Variants in ADAMTS17 observed in about 807,000 individuals in gnomAD.
The protein encoded by ADAMTS17 is A disintegrin and metalloproteinase with thrombospondin motifs 17.
ADAMTS17 carries 113 observed loss-of-function variants against 141.5 expected under a neutral mutation model. The ratio of observed to expected loss-of-function variants is 0.80; its 90% CI spans 0.69 to 0.93. ADAMTS17 has a LOEUF of 0.93. Among genes scored for constraint, ADAMTS17 ranks in the 40% least tolerant of loss-of-function variants. ADAMTS17 has a pLI of 0.00. For synonymous variants in ADAMTS17, 768 were observed against 630.6 expected (o/e 1.22, Z -3.27); for missense variants, 1,659 against 1,517.9 (o/e 1.09, Z -1.54).
intron 18 of ADAMTS17, among the ~76,000 whole-genome samples, chr15:100,016,665 C>G (rs536547599): frequency 2.0e-5 from 3 of 152,174 alleles, no homozygotes; most frequent in Non-Finnish European, 2.9e-5. Context: ...CAAGTCTACC[C>G]GGCTCCAGGA....
intron 19 of ADAMTS17, among the ~76,000 whole-genome samples, chr15:99,995,986 AATG>A (rs1316665248): frequency 6.6e-6 from 1 of 152,096 alleles, no homozygotes; most frequent in Non-Finnish European, 1.5e-5. Context: ...TCAGGGCTGT[AATG>A]ATAATTGATG....
chr15:100,177,112 A>G (rs1017850368), intron 8 of ADAMTS17, among the ~76,000 whole-genome samples: 2 of 152,214 alleles, frequency 1.3e-5, no homozygotes, highest in Admixed American at 6.5e-5. Context: ...TGACTTTCCA[A>G]TTCTCTGGGA....
intron 15 of ADAMTS17, among the ~76,000 whole-genome samples, chr15:100,075,459 A>G (rs1218749480): frequency 6.6e-6 from 1 of 152,180 alleles, no homozygotes; most frequent in Non-Finnish European, 1.5e-5. Context: ...CTGCTGTAAC[A>G]TGTTGAGGTC....
chr15:100,178,515 T>C (rs2040415376), intron 8 of ADAMTS17, among the ~76,000 whole-genome samples: 1 of 152,226 alleles, frequency 6.6e-6, no homozygotes, highest in African/African-American at 2.4e-5. Context: ...AGCTAGAATA[T>C]GACTTAAAAA....
chr15:100,281,736 A>C (rs1159305010), intron 3 of ADAMTS17, among the ~76,000 whole-genome samples: 1 of 152,144 alleles, frequency 6.6e-6, no homozygotes, highest in African/African-American at 2.4e-5. Context: ...TACGCACAGA[A>C]AAGGAGGCCT....
chr15:100,054,014 C>T lies in ADAMTS17; in HGVS notation c.2178G>A (p.Trp726Ter). The T allele has an allele frequency of 6.2e-7, 1 of 1,614,196 alleles. No homozygotes were observed. The highest frequency in any genetic ancestry group is 8.5e-7 in the Non-Finnish European group (1 of 1,180,036). ...DSGKGSINSD[W>*]KIELPGEFQI... ...GGAACTCTCCGGGGAGCTCTATCTT[C>T]CAGTCACTGTTGATGGACCCCTTAC... The change falls in exon 16 of 22, where the codon TGG (tryptophan) becomes TGA (stop). Residue 726 changes from tryptophan (W) to a stop codon, truncating the protein, a stop_gained. Coordinates refer to ENST00000268070, the MANE Select transcript of ADAMTS17 (RefSeq NM_139057.4). LOFTEE classifies it high-confidence loss of function.
intron 10 of ADAMTS17, 41 bp from the exon 11 acceptor site, chr15:100,133,356 C>G: frequency 6.5e-7 from 1 of 1,545,168 alleles, no homozygotes; most frequent in Non-Finnish European, 8.8e-7. Context: ...GGAGAACACC[C>G]ACACTCACAG....
chr15:100,102,362 A>G (rs35402619), intron 14 of ADAMTS17, among the ~76,000 whole-genome samples: 51,720 of 80,864 alleles, frequency 0.64, 15,934 homozygotes, highest in African/African-American at 0.74. Flanking sequence ...TTTGAGGGCC[A>G]ACCGAAGGGG....
chr15:99,999,125 C>T (rs993609316), intron 18 of ADAMTS17, among the ~76,000 whole-genome samples: 5 of 152,146 alleles, frequency 3.3e-5, no homozygotes, highest in African/African-American at 7.2e-5. Flanking sequence ...GCAGATTTAT[C>T]GAGGGCCTCC....
chr15:99,992,635 C>T (rs2060712331), intron 20 of ADAMTS17, among the ~76,000 whole-genome samples: 1 of 152,342 alleles, frequency 6.6e-6, no homozygotes, highest in South Asian at 2.1e-4. Flanking sequence ...TCTGTCCCTG[C>T]ATCTCCAGGC....
chr15:100,095,999 G>A (rs534296947), intron 15 of ADAMTS17, among the ~76,000 whole-genome samples: 4 of 152,248 alleles, frequency 2.6e-5, no homozygotes, highest in Admixed American at 2.0e-4. Context: ...GTCTTCCATC[G>A]ACAGGTAAAA....
At chr15:100,308,283 T>C (rs2045291478) in intron 3 of ADAMTS17, among the ~76,000 whole-genome samples, 1 of 152,324 alleles carries the variant, frequency 6.6e-6, no homozygotes, top group South Asian at 2.1e-4. Flanking sequence ...CCAGAAATTA[T>C]GTTCAGTTGT....
intron 12 of ADAMTS17, among the ~76,000 whole-genome samples, chr15:100,120,295 C>T (rs1341081266): frequency 6.6e-6 from 1 of 152,174 alleles, no homozygotes; most frequent in African/African-American, 2.4e-5. Flanking sequence ...TGCTCAATTT[C>T]AGCCTTTAGT....
intron 18 of ADAMTS17, among the ~76,000 whole-genome samples, chr15:100,005,193 A>G (rs1837978564): frequency 6.6e-6 from 1 of 152,182 alleles, no homozygotes; most frequent in African/African-American, 2.4e-5. Flanking sequence ...AAGTTAAATC[A>G]TCCTAATGAG....
At position 100,247,634 on chromosome 15, in the gene ADAMTS17, G is replaced by A. The variant is rs554289885; in HGVS notation, c.1075+6502C>T. 6.6e-5 allele frequency among the ~76,000 whole-genome samples: 10 copies of A among 152,238 alleles called. No homozygotes were observed. In the East Asian group the frequency reaches 1.9e-3, roughly 29 times the overall value. On this transcript the variant is annotated intron_variant, in intron 7 of 21. Coordinates refer to ENST00000268070, the MANE Select transcript of ADAMTS17 (RefSeq NM_139057.4). ...TGTTTGTGTTTATGCATAAAAAGTG[G>A]CATTTCTTTCTTACCTAACTGATGA...
chr15:100,124,589 C>G (rs9672847), intron 12 of ADAMTS17, among the ~76,000 whole-genome samples: 88,601 of 152,102 alleles, frequency 0.58, 26,085 homozygotes, highest in Admixed American at 0.69. Flanking sequence ...CATGCGCGCC[C>G]CAGGGGCCAG....
At chr15:100,141,175 G>C (rs1047698221) in intron 10 of ADAMTS17, among the ~76,000 whole-genome samples, 2 of 152,194 alleles carry the variant, frequency 1.3e-5, no homozygotes, top group African/African-American at 4.8e-5. Flanking sequence ...TTGCTGCATA[G>C]TTCCTCGAGC....
chr15:100,032,693 T>C (rs1045297538), intron 18 of ADAMTS17, among the ~76,000 whole-genome samples: 4 of 152,230 alleles, frequency 2.6e-5, no homozygotes, highest in Admixed American at 2.0e-4. Flanking sequence ...GTTTTTAAAA[T>C]GAGAACGAGA....
In ADAMTS17 at chr15:100,281,203, C is replaced by T. The variant is rs1172240200; in HGVS notation, c.789+26G>A. On this transcript the variant is annotated intron_variant, in intron 4 of 21. Coordinates refer to ENST00000268070, the MANE Select transcript of ADAMTS17 (RefSeq NM_139057.4). ...ATCAAGGAGAAAACAGAGCCCCCCA[C>T]ATCAGGACCCCGGCTCCGGACTCAC... The T allele has an allele frequency of 2.5e-6, 4 of 1,600,922 alleles. No individual in the cohort carries two copies. The South Asian group carries it at 3.3e-5, about 13-fold the overall frequency.
Sources: gnomAD v4.1 joint callset for allele counts (sites outside exome capture counted in the v4.1 genomes callset) on GRCh38, gnomAD v4.1.1 for gene constraint, MANE v1.5 for transcripts, NCBI Gene and HGNC (gene_info 2026-07-23, HGNC 2026-07-21) for gene names.